PUDP: variants seen among roughly 807,000 people sequenced by gnomAD.
PUDP encodes the protein pseudouridine-5'-phosphatase.
PUDP carries 8 observed loss-of-function variants against 9.4 expected under a neutral mutation model. That is an observed-to-expected ratio of 0.85 (90% confidence interval 0.50 to 1.53). The LOEUF (loss-of-function observed/expected upper bound fraction) is 1.53. PUDP is among the 40% of genes most tolerant of loss of function. The probability of loss-of-function intolerance (pLI) is 0.00; values close to 1 mark genes in which losing one functional copy is unlikely to be tolerated. For synonymous variants in PUDP, 99 were observed against 80.7 expected, an observed-to-expected ratio of 1.23 and a Z score of -1.22; for missense variants, 188 against 189.7, an observed-to-expected ratio of 0.99 and a Z score of 0.05.
intron 3 of PUDP, among the ~76,000 whole-genome samples, chrX:6,930,525 G>C (rs1435005323): frequency 2.7e-5 from 3 of 111,352 alleles, no homozygotes; most frequent in Admixed American, 1.9e-4. Context: ...GTCTAAAAGC[G>C]GGAGGAACTC....
intron 3 of PUDP, among the ~76,000 whole-genome samples, chrX:6,751,180 A>AG (rs1569091941): frequency 5.4e-5 from 6 of 110,182 alleles, no homozygotes; most frequent in African/African-American, 2.0e-4. Context: ...AAAGAAAGAA[A>AG]AAAAGAAAGA....
At chrX:6,949,458 A>G (rs780249167) in intron 3 of PUDP, among the ~76,000 whole-genome samples, 1 of 111,065 alleles carries the variant, frequency 9.0e-6, no homozygotes, top group African/African-American at 3.3e-5. Flanking sequence ...ACTAAACTCC[A>G]TGCTCCATAA....
intron 3 of PUDP, among the ~76,000 whole-genome samples, chrX:6,785,579 C>T (rs1461255169): frequency 9.1e-6 from 1 of 109,956 alleles, no homozygotes; most frequent in Admixed American, 9.7e-5. Context: ...CCCATTAAAA[C>T]ATAATCATTA....
chrX:7,146,267 A>G (rs1932856832), intron 1 of PUDP, among the ~76,000 whole-genome samples: 1 of 112,034 alleles, frequency 8.9e-6, no homozygotes, highest in Non-Finnish European at 1.9e-5. Flanking sequence ...TCATCACTTC[A>G]GGGCATGGCT....
intron 3 of PUDP, among the ~76,000 whole-genome samples, chrX:6,919,405 C>T (rs966771319): frequency 1.8e-4 from 20 of 111,235 alleles, no homozygotes; most frequent in African/African-American, 5.9e-4. Context: ...CCCTGGAGGG[C>T]TGTTATTTGG....
chrX:6,734,975 GAATCATATT>G (rs1324524905), intron 3 of PUDP, among the ~76,000 whole-genome samples: 4 of 111,536 alleles, frequency 3.6e-5, no homozygotes, highest in African/African-American at 1.3e-4. Flanking sequence ...ACAAATGAAT[GAATCATATT>G]AATACAGAAT....
rs193294101 is a variant in PUDP, at chrX:6,975,002, C to T, written c.*247+2131G>A. On this transcript the variant is annotated intron_variant and NMD_transcript_variant, in intron 3 of 3. Transcript: ENST00000655425. ...TATCCTTTCTTCTGCTTGATCGATT[C>T]GGCTATTGATATTTGTTTATGCTTC... Among the ~76,000 whole-genome samples the T allele has an allele frequency of 4.2e-3, 453 of 108,508 alleles. 2 individuals are homozygous for T. Among genetic ancestry groups the T allele is most frequent in the South Asian group, 0.021 (51 of 2,469 alleles). The allele number at this position is 108,508 out of a possible 115,157, so 94.2% of individuals were successfully genotyped here.
intron 3 of PUDP, among the ~76,000 whole-genome samples, chrX:6,729,839 C>T (rs776397867): frequency 5.4e-5 from 6 of 111,197 alleles, no homozygotes; most frequent in Non-Finnish European, 7.5e-5. Flanking sequence ...CTCTCTCTTA[C>T]GTGCCCACCT....
At chrX:7,060,588 C>A (rs1930372778) in intron 3 of PUDP, among the ~76,000 whole-genome samples, 2 of 112,111 alleles carry the variant, frequency 1.8e-5, no homozygotes, top group Non-Finnish European at 3.8e-5. Flanking sequence ...GGCATGGACA[C>A]CTATCTTCAG....
intron 3 of PUDP, among the ~76,000 whole-genome samples, chrX:6,727,987 T>G (rs1439481235): frequency 8.9e-6 from 1 of 111,890 alleles, no homozygotes; most frequent in Non-Finnish European, 1.9e-5. Context: ...TCCATTTTCA[T>G]GCTGCTAATA....
chrX:6,754,679 G>A (rs986368884), intron 3 of PUDP, among the ~76,000 whole-genome samples: 2 of 108,602 alleles, frequency 1.8e-5, no homozygotes, highest in Non-Finnish European at 3.8e-5. Flanking sequence ...ACATAATTTA[G>A]CACATTATAT....
chrX:6,932,801 C>T (rs1225197368), intron 3 of PUDP, among the ~76,000 whole-genome samples: 4 of 111,768 alleles, frequency 3.6e-5, no homozygotes, highest in African/African-American at 6.5e-5. Flanking sequence ...TAAAAAACGG[C>T]GCACCACGAG....
At chrX:6,870,282 A>G (rs62590420) in intron 3 of PUDP, among the ~76,000 whole-genome samples, 3,731 of 111,866 alleles carry the variant, frequency 0.033, 76 homozygotes, top group South Asian at 0.071. Context: ...TGAACTGTTC[A>G]TATGGTTTTG....
At chrX:6,986,780 T>C (rs1929108695) in intron 1 of PUDP, among the ~76,000 whole-genome samples, 1 of 112,048 alleles carries the variant, frequency 8.9e-6, no homozygotes, top group Non-Finnish European at 1.9e-5. Flanking sequence ...CAGGCATCCA[T>C]GCAATCCACT....
At chrX:6,932,039 TTTAA>T (rs1399692497) in intron 3 of PUDP, among the ~76,000 whole-genome samples, 2 of 112,400 alleles carry the variant, frequency 1.8e-5, no homozygotes, top group Non-Finnish European at 3.8e-5. Context: ...AAGTAGCTTC[TTTAA>T]TTAAATACTT....
chrX:6,998,361 A>G (rs1347804772), intron 1 of PUDP, among the ~76,000 whole-genome samples: 2 of 111,758 alleles, frequency 1.8e-5, no homozygotes, highest in Admixed American at 1.9e-4. Flanking sequence ...AGATCAATGG[A>G]CTGAAGCTAA....
intron 3 of PUDP, among the ~76,000 whole-genome samples, chrX:7,070,332 A>G (rs763410273): frequency 9.0e-6 from 1 of 111,723 alleles, no homozygotes; most frequent in East Asian, 2.8e-4. Flanking sequence ...AGGCATGCCT[A>G]TTTTGTTCAG....
chrX:7,039,504 T>C (rs1461101601), intron 1 of PUDP, among the ~76,000 whole-genome samples: 1 of 111,259 alleles, frequency 9.0e-6, no homozygotes, highest in African/African-American at 3.3e-5. Flanking sequence ...CCTAATCCAA[T>C]AGGACTGGTT....
At chrX:6,932,826 C>A (rs1266443741) in intron 3 of PUDP, among the ~76,000 whole-genome samples, 1 of 111,933 alleles carries the variant, frequency 8.9e-6, no homozygotes, top group Admixed American at 9.4e-5. Context: ...TATCCCACAC[C>A]TGGCTCGGAG....
Sources: gnomAD v4.1 joint callset for allele counts (sites outside exome capture counted in the v4.1 genomes callset) on GRCh38, gnomAD v4.1.1 for gene constraint, MANE v1.5 for transcripts, NCBI Gene and HGNC (gene_info 2026-07-23, HGNC 2026-07-21) for gene names.